CEP164: variants seen among roughly 807,000 people sequenced by gnomAD.
CEP164 encodes the protein centrosomal protein 164.
A neutral mutation model predicts 182.7 loss-of-function variants in CEP164; 162 were observed. The observed-to-expected ratio is 0.89, with a 90% CI of 0.78 to 1.01. CEP164 has a LOEUF of 1.01. CEP164 is among the 50% of genes least tolerant of loss of function. CEP164 has a pLI of 0.00. For missense variants in CEP164, 1,735 were observed against 1,790.4 expected, an observed-to-expected ratio of 0.97 and a Z score of 0.56; for synonymous variants, 661 against 690.0, an observed-to-expected ratio of 0.96 and a Z score of 0.66.
At chr11:117,367,011 A>G (rs1234468666) in intron 8 of CEP164, among the ~76,000 whole-genome samples, 2 of 152,146 alleles carry the variant, frequency 1.3e-5, no homozygotes, top group African/African-American at 4.8e-5. Context: ...AAAGGAGGAG[A>G]CAGAAGGAAT....
At chr11:117,348,282 A>G (rs150421452) in intron 4 of CEP164, among the ~76,000 whole-genome samples, 33 of 152,246 alleles carry the variant, frequency 2.2e-4, no homozygotes, top group African/African-American at 7.9e-4. Context: ...TAGAAATATT[A>G]TCAATTAAAA....
At chr11:117,390,453 G>C (rs917281702) in intron 15 of CEP164, among the ~76,000 whole-genome samples, 1 of 151,894 alleles carries the variant, frequency 6.6e-6, no homozygotes, top group African/African-American at 2.4e-5. Context: ...TTCAAGACCA[G>C]CCTGGGCAAC....
At chr11:117,391,433 A>C (rs2044641229) in intron 17 of CEP164, among the ~76,000 whole-genome samples, 1 of 152,136 alleles carries the variant, frequency 6.6e-6, no homozygotes, top group Non-Finnish European at 1.5e-5. Flanking sequence ...GACAGGGCAG[A>C]GGATGCAGCA....
At position 117,338,682 on chromosome 11, in the gene CEP164, GA is replaced by G; in HGVS notation, c.82+16del. On this transcript the variant is annotated intron_variant, in intron 3 of 32. Coordinates refer to ENST00000278935, the MANE Select transcript of CEP164 (RefSeq NM_014956.5). ...CTAGTGAGCAAGGTAACAAGTCTGTGAAGAGGCCTGTGGTGTATTGTGTTTG... is the reference window on the plus strand; with the variant it reads ...CTAGTGAGCAAGGTAACAAGTCTGTGAGAGGCCTGTGGTGTATTGTGTTTG... The G allele has an allele frequency of 1.3e-6, 2 of 1,583,958 alleles. No homozygotes were observed. The highest frequency in any genetic ancestry group is 1.7e-6 in the Non-Finnish European group (2 of 1,152,354).
At chr11:117,328,619 C>G (rs545383709) in intron 1 of CEP164, among the ~76,000 whole-genome samples, 16 of 152,288 alleles carry the variant, frequency 1.1e-4, no homozygotes, top group African/African-American at 3.9e-4. Flanking sequence ...AGACCTCTTT[C>G]CTGAGCTCAG....
intron 14 of CEP164, chr11:117,386,986 C>A (rs1435779992): frequency 5.3e-6 from 3 of 566,226 alleles, no homozygotes; most frequent in Non-Finnish European, 9.5e-6. Flanking sequence ...ACCCTTCTCC[C>A]TAGGCTCTTG....
In CEP164 at chr11:117,361,688, G is replaced by A. The variant is rs1592158706; in HGVS notation, c.394-147G>A. On this transcript the variant is annotated intron_variant, in intron 5 of 32. Transcript: ENST00000278935. ...ACAGTTGGCACAATGGTAATTTCTG[G>A]ATGTTGTGTTTCATTAGCAGCCTCT... is the stretch of plus-strand genomic sequence containing the variant. 6.5e-6 allele frequency: 5 copies of A among 765,284 alleles called. No individual in the cohort carries two copies. The South Asian group carries it at 8.3e-5, about 13-fold the overall frequency. The allele number at this position is 765,284 out of a possible 1,614,324, so 47.4% of individuals were successfully genotyped here. A position where few individuals can be genotyped will look rare whatever the true frequency, so the allele number is the denominator to read the frequency against.
At chr11:117,335,058 C>A (rs1025581044) in intron 1 of CEP164, among the ~76,000 whole-genome samples, 1 of 152,090 alleles carries the variant, frequency 6.6e-6, no homozygotes, top group African/African-American at 2.4e-5. Context: ...TTTTCTTCTC[C>A]TCTCCCTAAG....
chr11:117,386,960 G>C, intron 14 of CEP164: 1 of 508,538 alleles, frequency 2.0e-6, no homozygotes, highest in Non-Finnish European at 3.5e-6. Flanking sequence ...AGTCTGCTGA[G>C]AGCCTGCTAT....
At position 117,409,281 on chromosome 11, in the gene CEP164, C is replaced by G. The variant is rs1056745572; in HGVS notation, c.3748+253C>G. ...CGGTGTGACCACTGGCCTTGCTGGC[C>G]TCTTCTCTTCCAGGGCCTCCTTGAG... On this transcript the variant is annotated intron_variant, in intron 29 of 32. Coordinates refer to ENST00000278935, the MANE Select transcript of CEP164 (RefSeq NM_014956.5). The surrounding 1 kb of genome is among the most constrained non-coding windows in gnomAD (Gnocchi z 4.4). The G allele has an allele frequency of 1.7e-6, 1 of 587,380 alleles. No individual in the cohort carries two copies. Among genetic ancestry groups the G allele is most frequent in the Non-Finnish European group, 3.0e-6 (1 of 334,270 alleles). 36.4% of individuals were successfully genotyped at this position (587,380 alleles called of 1,614,324 possible).
chr11:117,355,086 TG>T (rs1565464753), intron 5 of CEP164: 1 of 1,289,820 alleles, frequency 7.8e-7, no homozygotes, highest in Non-Finnish European at 1.0e-6. Flanking sequence ...CCAGGCATGC[TG>T]GGTGACACTC....
chr11:117,356,218 T>C, intron 5 of CEP164: 1 of 1,080,488 alleles, frequency 9.3e-7, no homozygotes, highest in South Asian at 2.4e-5. Context: ...AGTCAGAAAG[T>C]GAAGACTACT....
chr11:117,386,932 T>C (rs900826651), intron 14 of CEP164: 3 of 421,096 alleles, frequency 7.1e-6, no homozygotes, highest in East Asian at 4.2e-5. Context: ...GATTTTGATC[T>C]TGGGCCATAA....
chr11:117,358,539 C>T (rs1279970618), intron 5 of CEP164, among the ~76,000 whole-genome samples: 1 of 129,504 alleles, frequency 7.7e-6, no homozygotes. Flanking sequence ...CCTCCCCCGG[C>T]CTTTTTTTTT....
Position 117,409,645 on chromosome 11 carries a change from G to A in CEP164, c.3776G>A (p.Arg1259His), listed in dbSNP as rs747025136. 6.8e-6 allele frequency: 11 copies of A among 1,609,560 alleles called. No individual in the cohort carries two copies. Among genetic ancestry groups the A allele is most frequent in the East Asian group, 6.7e-5 (3 of 44,732 alleles). ...GACTCAACCCCGAGTCTCACCTCCC[G>A]CAAGATCCACGGGCTTAGCCACTCC... ...RIDSTPSLTS[R>H]KIHGLSHSLR... Residue 1259 changes from arginine to histidine, a missense_variant, in exon 30 of 33, where the codon CGC (arginine) becomes CAC (histidine). Arg to His is a conservative substitution (Grantham distance 29, BLOSUM62 0). Transcript: ENST00000278935. The surrounding 1 kb of genome is among the most constrained non-coding windows in gnomAD (Gnocchi z 4.4).
rs989669112 is a variant in CEP164, at chr11:117,387,013, CA to C, written c.1725-188del. 8.3e-6 allele frequency: 5 copies of C among 601,240 alleles called. No individual in the cohort carries two copies. In the African/African-American group the frequency reaches 9.3e-5, roughly 11 times the overall value. The allele number at this position is 601,240 out of a possible 1,614,324, so 37.2% of individuals were successfully genotyped here. A position where few individuals can be genotyped will look rare whatever the true frequency, so the allele number is the denominator to read the frequency against. On this transcript the variant is annotated intron_variant, in intron 14 of 32. Coordinates refer to ENST00000278935, the MANE Select transcript of CEP164 (RefSeq NM_014956.5). ...AGGCTCTTGGGGCCTTAAACAGCCA[CA>C]ATGGGGCTTGTCCTATGGAACAAGC...
At chr11:117,355,007 C>A (rs751428948) in intron 5 of CEP164, 29 of 1,289,620 alleles carry the variant, frequency 2.2e-5, no homozygotes, top group East Asian at 5.5e-5. Flanking sequence ...AGCACCTGGG[C>A]TTGCTGATCT....
chr11:117,331,981 AATATAT>A (rs56696952), intron 1 of CEP164, among the ~76,000 whole-genome samples: 2 of 142,284 alleles, frequency 1.4e-5, no homozygotes, highest in African/African-American at 2.6e-5. Context: ...ATGCCTGGCT[AATATAT>A]ATATATATAT....
chr11:117,383,048 A>C, intron 14 of CEP164, 106 bp downstream of exon 14: 1 of 1,309,752 alleles, frequency 7.6e-7, no homozygotes, highest in Non-Finnish European at 1.0e-6. Flanking sequence ...GCTCTGGCCA[A>C]GGGTTAGAGT....
Sources: gnomAD v4.1 joint callset for allele counts (sites outside exome capture counted in the v4.1 genomes callset) on GRCh38, gnomAD v4.1.1 for gene constraint, Gnocchi (gnomAD v3.1) non-coding constraint, MANE v1.5 for transcripts, NCBI Gene and HGNC (gene_info 2026-07-23, HGNC 2026-07-21) for gene names.